Variants in DCC observed in about 807,000 individuals in gnomAD.
The protein encoded by DCC is DCC netrin 1 receptor.
Under a neutral mutation model 172.5 loss-of-function variants are expected in DCC, and 58 were observed. The ratio of observed to expected loss-of-function variants is 0.34; its 90% CI spans 0.27 to 0.42. DCC has a LOEUF of 0.42. Ranked by LOEUF, DCC falls within the 10% of genes least tolerant of loss-of-function variation. The probability of loss-of-function intolerance (pLI) is 1.00; values close to 1 mark genes in which losing one functional copy is unlikely to be tolerated. For synonymous variants in DCC, 709 were observed against 644.5 expected, an observed-to-expected ratio of 1.10 and a Z score of -1.52; for missense variants, 1,740 against 1,791.0, an observed-to-expected ratio of 0.97 and a Z score of 0.51.
intron 7 of DCC, among the ~76,000 whole-genome samples, chr18:53,075,607 A>G (rs1289187663): frequency 2.1e-5 from 3 of 143,878 alleles, no homozygotes; most frequent in East Asian, 4.0e-4. Context: ...GCTGGTTTTT[A>G]TATTGAATCC....
chr18:52,728,347 G>A (rs2036585733), intron 1 of DCC, among the ~76,000 whole-genome samples: 1 of 152,162 alleles, frequency 6.6e-6, no homozygotes, highest in Non-Finnish European at 1.5e-5. Context: ...CAAGGGTAGA[G>A]GCATTTAGGA....
intron 2 of DCC, among the ~76,000 whole-genome samples, chr18:52,858,063 A>C (rs2039081083): frequency 1.3e-5 from 2 of 152,226 alleles, no homozygotes; most frequent in African/African-American, 4.8e-5. Flanking sequence ...TTTCTAGTCA[A>C]AACAATTATT....
intron 1 of DCC, among the ~76,000 whole-genome samples, chr18:52,469,917 C>T (rs555988770): frequency 6.6e-6 from 1 of 152,234 alleles, no homozygotes; most frequent in East Asian, 1.9e-4. Context: ...AGGAGAAAGG[C>T]CTGGAAGTGG....
chr18:52,910,966 C>T (rs2039962698), intron 3 of DCC, among the ~76,000 whole-genome samples: 1 of 151,970 alleles, frequency 6.6e-6, no homozygotes, highest in African/African-American at 2.4e-5. Context: ...AAGGAAAATC[C>T]TGTCTTCAGT....
chr18:53,364,269 G>A (rs2057977861), intron 15 of DCC, among the ~76,000 whole-genome samples: 1 of 152,036 alleles, frequency 6.6e-6, no homozygotes, highest in Non-Finnish European at 1.5e-5. Flanking sequence ...GATTTCTTGA[G>A]GTTGTTACAA....
At chr18:53,505,147 T>C (rs1408311948) in intron 27 of DCC, 2 of 152,122 alleles carry the variant, frequency 1.3e-5, no homozygotes, top group African/African-American at 4.8e-5. Context: ...TGGCATTACA[T>C]GGAGAGGAGA....
chr18:52,375,619 C>T (rs1277909232), intron 1 of DCC, among the ~76,000 whole-genome samples: 1 of 152,088 alleles, frequency 6.6e-6, no homozygotes, highest in Non-Finnish European at 1.5e-5. Context: ...CATTCTTTTC[C>T]TGATTTGGGA....
At chr18:52,361,667 C>G (rs1984624039) in intron 1 of DCC, among the ~76,000 whole-genome samples, 1 of 152,200 alleles carries the variant, frequency 6.6e-6, no homozygotes, top group Non-Finnish European at 1.5e-5. Context: ...AATGCAGAAA[C>G]TCAGGCTTCA....
intron 7 of DCC, among the ~76,000 whole-genome samples, chr18:53,119,576 T>A (rs528896096): frequency 5.2e-4 from 79 of 152,034 alleles, no homozygotes; most frequent in African/African-American, 1.8e-3. Context: ...TAAAACATTT[T>A]AAAATAGTTC....
intron 19 of DCC, among the ~76,000 whole-genome samples, chr18:53,406,285 C>T (rs1393304592): frequency 2.6e-5 from 4 of 152,090 alleles, no homozygotes; most frequent in East Asian, 1.9e-4. Flanking sequence ...TATAGCTTCT[C>T]AGTCTGATTT....
At chr18:53,013,514 G>T (rs753034755) in intron 5 of DCC, among the ~76,000 whole-genome samples, 3 of 151,760 alleles carry the variant, frequency 2.0e-5, no homozygotes, top group African/African-American at 4.8e-5. Context: ...TGGACAAAGG[G>T]GAACATCACA....
At position 52,943,750 on chromosome 18, in the gene DCC, G is replaced by GT. The variant is rs1555685265; in HGVS notation, c.985+18383dup. 1.4e-4 allele frequency among the ~76,000 whole-genome samples: 20 copies of GT among 141,888 alleles called. 1 individual carries two copies. Among genetic ancestry groups the GT allele is most frequent in the Admixed American group, 4.3e-4 (6 of 13,962 alleles). The allele number at this position is 141,888 out of a possible 152,430, so 93.1% of individuals were successfully genotyped here. A position where few individuals can be genotyped will look rare whatever the true frequency, so the allele number is the denominator to read the frequency against. On this transcript the variant is annotated intron_variant, in intron 5 of 28. Coordinates refer to ENST00000442544, the MANE Select transcript of DCC (RefSeq NM_005215.4). ...CTGGCAATTTATGGTTTTTTTTTTT[G>GT]TTTGTTTTGTTTTGTTTGAGATGGA...
intron 1 of DCC, among the ~76,000 whole-genome samples, chr18:52,565,011 G>C (rs2033127314): frequency 6.6e-6 from 1 of 152,114 alleles, no homozygotes; most frequent in South Asian, 2.1e-4. Context: ...TGTAAAATGT[G>C]TAAGGGACTA....
chr18:52,740,182 TC>T (rs2036797257), intron 1 of DCC, among the ~76,000 whole-genome samples: 1 of 152,148 alleles, frequency 6.6e-6, no homozygotes, highest in Non-Finnish European at 1.5e-5. Context: ...TAGAGAGGCT[TC>T]ATTCTTGCTC....
chr18:53,095,684 A>G (rs1265949481), intron 7 of DCC, among the ~76,000 whole-genome samples: 4 of 152,104 alleles, frequency 2.6e-5, no homozygotes, highest in Non-Finnish European at 5.9e-5. Context: ...GCTTATTTAG[A>G]TAAACCAGGA....
chr18:52,551,894 C>CT (rs2144724207), intron 1 of DCC, among the ~76,000 whole-genome samples: 1 of 152,158 alleles, frequency 6.6e-6, no homozygotes, highest in African/African-American at 2.4e-5. Context: ...AATGGTTGAG[C>CT]TGCAGATGAA....
rs7243105 is a variant in DCC, at chr18:52,958,498, G to A, written c.985+33128G>A. Among the ~76,000 whole-genome samples, 1,426 of 152,106 alleles carry A rather than the reference G, an allele frequency of 9.4e-3. 24 individuals carry two copies. The highest frequency in any genetic ancestry group is 0.031 in the African/African-American group (1,280 of 41,504). ...CATATTTTCAAAAGATAATTTTCAA[G>A]GGTGGTTAAGACACAGGTTGGTATT... On this transcript the variant is annotated intron_variant, in intron 5 of 28. Transcript: ENST00000442544.
At chr18:52,555,715 T>TA (rs1306610978) in intron 1 of DCC, among the ~76,000 whole-genome samples, 1 of 152,148 alleles carries the variant, frequency 6.6e-6, no homozygotes, top group East Asian at 1.9e-4. Flanking sequence ...GACTGTTTTT[T>TA]AAAAAATCTG....
chr18:52,377,854 G>A (rs1056149979), intron 1 of DCC, among the ~76,000 whole-genome samples: 1 of 151,794 alleles, frequency 6.6e-6, no homozygotes, highest in African/African-American at 2.4e-5. Context: ...TTACATGCAT[G>A]CACCGCCACT....
Sources: allele counts gnomAD v4.1 joint callset (sites outside exome capture counted in the v4.1 genomes callset), GRCh38; gene constraint gnomAD v4.1.1; transcripts MANE v1.5; gene names NCBI Gene and HGNC (gene_info 2026-07-23, HGNC 2026-07-21).